ARHGAP15: variants seen among roughly 807,000 people sequenced by gnomAD.
ARHGAP15 encodes the protein rho GTPase-activating protein 15.
ARHGAP15 carries 51 observed loss-of-function variants against 63.7 expected under a neutral mutation model. The observed-to-expected ratio is 0.80, with a 90% CI of 0.64 to 1.01. ARHGAP15 has a LOEUF of 1.01. Among genes scored for constraint, ARHGAP15 ranks in the 50% least tolerant of loss-of-function variants. The pLI is 0.00. For missense variants in ARHGAP15, 560 were observed against 564.6 expected, an observed-to-expected ratio of 0.99 and a Z score of 0.08; for synonymous variants, 191 against 193.8, an observed-to-expected ratio of 0.99 and a Z score of 0.12.
chr2:143,361,214 A>G (rs964551447), intron 6 of ARHGAP15, among the ~76,000 whole-genome samples: 4 of 152,198 alleles, frequency 2.6e-5, no homozygotes, highest in Non-Finnish European at 4.4e-5. Context: ...TAGAAATCCA[A>G]TTTATCAAAA....
chr2:143,374,489 G>A (rs763015324), intron 6 of ARHGAP15, among the ~76,000 whole-genome samples: 1 of 151,904 alleles, frequency 6.6e-6, no homozygotes, highest in Non-Finnish European at 1.5e-5. Context: ...ACCATAGTAG[G>A]TTGTTTTTTG....
intron 6 of ARHGAP15, among the ~76,000 whole-genome samples, chr2:143,290,479 C>G (rs1309494960): frequency 4.0e-5 from 6 of 151,876 alleles, no homozygotes; most frequent in Non-Finnish European, 8.8e-5. Flanking sequence ...TGATGCATGC[C>G]AGAATGTGGA....
intron 12 of ARHGAP15, among the ~76,000 whole-genome samples, chr2:143,668,063 G>T (rs1440928051): frequency 6.6e-6 from 1 of 151,782 alleles, no homozygotes; most frequent in Non-Finnish European, 1.5e-5. Flanking sequence ...AAAAAAAGTT[G>T]AAGGAGAAAG....
chr2:143,143,992 C>T (rs1689479431), intron 1 of ARHGAP15, among the ~76,000 whole-genome samples: 1 of 152,014 alleles, frequency 6.6e-6, no homozygotes, highest in Non-Finnish European at 1.5e-5. Flanking sequence ...ATTTAGCTCC[C>T]ACTTATAAGT....
chr2:143,687,105 G>A (rs1296397607), intron 12 of ARHGAP15, among the ~76,000 whole-genome samples: 23 of 152,114 alleles, frequency 1.5e-4, no homozygotes, highest in Admixed American at 1.5e-3. Context: ...ATATGAATCA[G>A]CTGGGTAACT....
intron 2 of ARHGAP15, among the ~76,000 whole-genome samples, chr2:143,188,416 A>T (rs12999825): frequency 0.17 from 25,570 of 151,628 alleles, 2,337 homozygotes; most frequent in Middle Eastern, 0.24. Flanking sequence ...ATTGCCAAAT[A>T]TCTATCTTTT....
intron 6 of ARHGAP15, among the ~76,000 whole-genome samples, chr2:143,252,731 C>A (rs779090796): frequency 2.0e-5 from 3 of 151,900 alleles, no homozygotes; most frequent in Non-Finnish European, 4.4e-5. Context: ...AATACATATC[C>A]ATAGATACAG....
At chr2:143,643,903 T>C (rs1438133212) in intron 12 of ARHGAP15, among the ~76,000 whole-genome samples, 1 of 152,062 alleles carries the variant, frequency 6.6e-6, no homozygotes, top group Non-Finnish European at 1.5e-5. Context: ...TTGCACACAG[T>C]AGAAAACTGA....
intron 11 of ARHGAP15, among the ~76,000 whole-genome samples, chr2:143,580,321 A>C (rs1696844936): frequency 6.6e-6 from 1 of 152,110 alleles, no homozygotes; most frequent in South Asian, 2.1e-4. Flanking sequence ...GTTAGTACCA[A>C]AGCCAGATAA....
At position 143,278,203 on chromosome 2, in the gene ARHGAP15, G is replaced by A. The variant is rs537983673; in HGVS notation, c.474+27603G>A. Among the ~76,000 whole-genome samples the A allele has an allele frequency of 2.0e-4, 30 of 152,136 alleles. No individual in the cohort carries two copies. In the South Asian group the frequency reaches 5.8e-3, roughly 29 times the overall value. ...TCCCGTGTCACCTTCTCTCACTCAC[G>A]GCTGCATGTTGCCTATTGCCGGTCC... is the stretch of plus-strand genomic sequence containing the variant. On this transcript the variant is annotated intron_variant, in intron 6 of 13. Coordinates refer to ENST00000295095, the MANE Select transcript of ARHGAP15 (RefSeq NM_018460.4).
chr2:143,419,373 C>T (rs1228189770), intron 6 of ARHGAP15, among the ~76,000 whole-genome samples: 1 of 151,888 alleles, frequency 6.6e-6, no homozygotes. Flanking sequence ...TTTATTTGAC[C>T]TAGTAATTCT....
At chr2:143,295,667 A>C (rs1558872953) in intron 6 of ARHGAP15, 1 of 152,096 alleles carries the variant, frequency 6.6e-6, no homozygotes, top group East Asian at 1.9e-4. Flanking sequence ...AGATAAAGAC[A>C]CGGTGTTTGT....
intron 11 of ARHGAP15, chr2:143,563,838 G>T (rs1696119448): frequency 6.6e-6 from 1 of 152,216 alleles, no homozygotes. Context: ...TCCCGGCCTT[G>T]ACTGCATATC....
intron 6 of ARHGAP15, among the ~76,000 whole-genome samples, chr2:143,284,911 T>C (rs1682020699): frequency 1.3e-5 from 2 of 152,186 alleles, no homozygotes; most frequent in Non-Finnish European, 2.9e-5. Flanking sequence ...ATGTCTCAAA[T>C]TCTTACTTTG....
chr2:143,657,301 C>T (rs960367379), intron 12 of ARHGAP15, among the ~76,000 whole-genome samples: 2 of 152,150 alleles, frequency 1.3e-5, no homozygotes, highest in Admixed American at 6.5e-5. Flanking sequence ...GAGCCGAGAT[C>T]GCGCCACTGC....
At chr2:143,424,214 C>T (rs1199510149) in intron 6 of ARHGAP15, among the ~76,000 whole-genome samples, 1 of 151,972 alleles carries the variant, frequency 6.6e-6, no homozygotes, top group Non-Finnish European at 1.5e-5. Context: ...CAAAGATCTC[C>T]AAGGACAAAG....
chr2:143,143,671 C>T (rs190489365), intron 1 of ARHGAP15, among the ~76,000 whole-genome samples: 7 of 151,244 alleles, frequency 4.6e-5, no homozygotes, highest in Admixed American at 4.6e-4. Context: ...CTGGGACCAA[C>T]TTCACAGTAA....
chr2:143,365,485 C>G (rs531370730), intron 6 of ARHGAP15, among the ~76,000 whole-genome samples: 1 of 152,120 alleles, frequency 6.6e-6, no homozygotes, highest in South Asian at 2.1e-4. Flanking sequence ...TGCACATTGC[C>G]GTAATTGTCA....
At chr2:143,637,837 G>A (rs982954806) in intron 12 of ARHGAP15, among the ~76,000 whole-genome samples, 16 of 151,776 alleles carry the variant, frequency 1.1e-4, no homozygotes, top group East Asian at 3.9e-4. Context: ...AAAAGTGGGC[G>A]AAGGACATGA....
Sources: gnomAD v4.1 joint callset for allele counts (sites outside exome capture counted in the v4.1 genomes callset) on GRCh38, gnomAD v4.1.1 for gene constraint, MANE v1.5 for transcripts, NCBI Gene and HGNC (gene_info 2026-07-23, HGNC 2026-07-21) for gene names.